The following FBXL7 variants were observed in gnomAD, a reference collection of about 807,000 sequenced individuals.
FBXL7 encodes F-box/LRR-repeat protein 7.
FBXL7 carries 12 observed loss-of-function variants against 38.3 expected under a neutral mutation model. The observed-to-expected ratio is 0.31, with a 90% CI of 0.20 to 0.51. The LOEUF (loss-of-function observed/expected upper bound fraction) is 0.51. Among genes scored for constraint, FBXL7 ranks in the 20% least tolerant of loss-of-function variants. The probability of loss-of-function intolerance (pLI) is 0.98; values close to 1 mark genes in which losing one functional copy is unlikely to be tolerated. For synonymous variants in FBXL7, 297 were observed against 300.9 expected (o/e 0.99, Z 0.13); for missense variants, 567 against 676.4 (o/e 0.84, Z 1.79).
intron 2 of FBXL7, among the ~76,000 whole-genome samples, chr5:15,921,610 A>G (rs542080697): frequency 2.0e-5 from 3 of 152,314 alleles, no homozygotes; most frequent in African/African-American, 7.2e-5. Context: ...AGGGGCTAAC[A>G]TCTAAGATTT....
rs1304763248 is a variant in FBXL7 at position 15,616,097 on chromosome 5, C to T, written c.127+25C>T. On this transcript the variant is annotated intron_variant, in intron 2 of 3. Transcript: ENST00000504595. The stretch of plus-strand genomic sequence containing the variant: ...GGTAGGCAGCTGGTCTTCATTATCT[C>T]TCTTTCTTCTTCACAGGGCTGGCTA... 2.1e-6 allele frequency: 3 copies of T among 1,451,178 alleles called. No individual in the cohort carries two copies. In the South Asian group the frequency reaches 3.6e-5, roughly 17 times the overall value. The allele number at this position is 1,451,178 out of a possible 1,614,324, so 89.9% of individuals were successfully genotyped here. A position where few individuals can be genotyped will look rare whatever the true frequency, so the allele number is the denominator to read the frequency against.
chr5:15,767,719 T>C (rs180954492), intron 2 of FBXL7, among the ~76,000 whole-genome samples: 101 of 152,330 alleles, frequency 6.6e-4, no homozygotes, highest in African/African-American at 2.4e-3. Context: ...GACAATCTTT[T>C]ATTAGTAATA....
Position 15,722,398 on chromosome 5 carries a change from G to A in FBXL7, c.127+106326G>A, listed in dbSNP as rs547185498. ...TATACCTGGACATAACAGCCTGCAC[G>A]TCCAGGCTCCACCCTCCAGCTACTA... On this transcript the variant is annotated intron_variant, in intron 2 of 3. Transcript: ENST00000504595. Among the ~76,000 whole-genome samples the A allele has an allele frequency of 3.9e-5, 6 of 152,206 alleles. No individual in the cohort carries two copies. The East Asian group carries it at 7.7e-4, about 20-fold the overall frequency.
chr5:15,581,930 A>G (rs1472936720), intron 1 of FBXL7, among the ~76,000 whole-genome samples: 1 of 152,034 alleles, frequency 6.6e-6, no homozygotes, highest in Admixed American at 6.6e-5. Context: ...GCTAAAATAC[A>G]TTCCAGATAG....
rs1127791 is a variant in FBXL7, at chr5:15,654,315, A to G, written c.127+38243A>G. On this transcript the variant is annotated intron_variant, in intron 2 of 3. Transcript: ENST00000504595. ...GTCTTTAATTAGGTTCATTTATATA[A>G]TTGAGAAAGAAGCCAGGGAATGCAT... 4.5e-3 allele frequency among the ~76,000 whole-genome samples: 690 copies of G among 151,858 alleles called. 4 individuals are homozygous for G. The highest frequency in any genetic ancestry group is 0.016 in the African/African-American group (670 of 41,440).
chr5:15,587,939 T>G (rs1739348627), intron 1 of FBXL7, among the ~76,000 whole-genome samples: 1 of 152,162 alleles, frequency 6.6e-6, no homozygotes, highest in South Asian at 2.1e-4. Flanking sequence ...TATGTTTTTG[T>G]TTTTCAAACT....
chr5:15,556,482 G>A (rs1738241386), intron 1 of FBXL7, among the ~76,000 whole-genome samples: 1 of 152,058 alleles, frequency 6.6e-6, no homozygotes, highest in African/African-American at 2.4e-5. Flanking sequence ...TCACAGACAT[G>A]CCCAGAAATA....
chr5:15,537,793 A>G (rs1162533864), intron 1 of FBXL7, among the ~76,000 whole-genome samples: 1 of 152,248 alleles, frequency 6.6e-6, no homozygotes, highest in Non-Finnish European at 1.5e-5. Context: ...CATGAGCAGG[A>G]GCCAGGGGCC....
intron 1 of FBXL7, among the ~76,000 whole-genome samples, chr5:15,510,953 G>C (rs553332640): frequency 6.6e-6 from 1 of 152,174 alleles, no homozygotes; most frequent in Non-Finnish European, 1.5e-5. Context: ...CACACAGCTG[G>C]TGTGTGACTG....
At chr5:15,832,325 T>G (rs535698108) in intron 2 of FBXL7, among the ~76,000 whole-genome samples, 36 of 152,298 alleles carry the variant, frequency 2.4e-4, no homozygotes, top group African/African-American at 8.4e-4. Context: ...TTTTGTTACA[T>G]CTGTTTAAAG....
At chr5:15,733,228 G>C (rs1442465219) in intron 2 of FBXL7, among the ~76,000 whole-genome samples, 1 of 152,052 alleles carries the variant, frequency 6.6e-6, no homozygotes, top group African/African-American at 2.4e-5. Flanking sequence ...GAGTAGCTGG[G>C]ATTACAGGCA....
intron 1 of FBXL7, among the ~76,000 whole-genome samples, chr5:15,545,865 T>G (rs1451687966): frequency 1.3e-5 from 2 of 151,964 alleles, no homozygotes; most frequent in African/African-American, 4.8e-5. Flanking sequence ...AGTGGAAGAG[T>G]TGAGCTACTC....
At chr5:15,593,780 C>G (rs1395967089) in intron 1 of FBXL7, among the ~76,000 whole-genome samples, 1 of 151,992 alleles carries the variant, frequency 6.6e-6, no homozygotes, top group Non-Finnish European at 1.5e-5. Flanking sequence ...TGCTATTTCT[C>G]TGTGCTAATT....
At chr5:15,674,842 T>A (rs1215728730) in intron 2 of FBXL7, among the ~76,000 whole-genome samples, 1 of 152,202 alleles carries the variant, frequency 6.6e-6, no homozygotes, top group Non-Finnish European at 1.5e-5. Flanking sequence ...CTTAGTGAAC[T>A]GGAAAATTGT....
intron 2 of FBXL7, among the ~76,000 whole-genome samples, chr5:15,645,325 C>T (rs1456400958): frequency 6.6e-6 from 1 of 152,110 alleles, no homozygotes; most frequent in Non-Finnish European, 1.5e-5. Context: ...CCCCTCTGCT[C>T]ACTGAGATAG....
intron 2 of FBXL7, among the ~76,000 whole-genome samples, chr5:15,753,380 T>G (rs1278326581): frequency 6.6e-6 from 1 of 152,226 alleles, no homozygotes; most frequent in Non-Finnish European, 1.5e-5. Context: ...AATGTTAGTA[T>G]TTGTGACTTA....
intron 2 of FBXL7, among the ~76,000 whole-genome samples, chr5:15,914,844 A>G (rs1741540529): frequency 6.6e-6 from 1 of 152,210 alleles, no homozygotes; most frequent in Admixed American, 6.5e-5. Flanking sequence ...TGACTCAGAG[A>G]TGAAGGAGGC....
In FBXL7 at chr5:15,852,561, A is replaced by G. The variant is rs183360217; in HGVS notation, c.128-75329A>G. On this transcript the variant is annotated intron_variant, in intron 2 of 3. Transcript: ENST00000504595. The stretch of plus-strand genomic sequence containing the variant: ...TAATTTGTACTTTCTGTTGAAAACT[A>G]TAATAGAATACCGTGCATAGACATG... 6.8e-4 allele frequency among the ~76,000 whole-genome samples: 103 copies of G among 152,314 alleles called. 1 individual carries two copies. In the East Asian group the frequency reaches 0.017, roughly 26 times the overall value.
rs528188452 is a variant in FBXL7 at position 15,738,581 on chromosome 5, C to T, written c.127+122509C>T. On this transcript the variant is annotated intron_variant, in intron 2 of 3. Coordinates refer to ENST00000504595, the MANE Select transcript of FBXL7 (RefSeq NM_012304.5). ...CAGCTCTCTTGGTCAAGAAAATCCC[C>T]CCTTTTCACTCTCTTCCTTGAATTT... 3.9e-5 allele frequency among the ~76,000 whole-genome samples: 6 copies of T among 152,234 alleles called. No homozygotes were observed. The South Asian group carries it at 1.2e-3, about 32-fold the overall frequency.
Sources: gnomAD v4.1 joint callset for allele counts (sites outside exome capture counted in the v4.1 genomes callset) on GRCh38, gnomAD v4.1.1 for gene constraint, MANE v1.5 for transcripts, NCBI Gene and HGNC (gene_info 2026-07-23, HGNC 2026-07-21) for gene names.